IHO1: variants seen among roughly 807,000 people sequenced by gnomAD.
The protein encoded by IHO1 is interactor of HORMAD1 protein 1.
In IHO1, 13 loss-of-function variants were observed where a neutral mutation model predicts 31.0. The observed-to-expected ratio is 0.42, with a 90% confidence interval of 0.27 to 0.67. The LOEUF (loss-of-function observed/expected upper bound fraction) is 0.67. Ranked by LOEUF, IHO1 falls within the 30% of genes least tolerant of loss-of-function variation. The pLI, the probability that IHO1 is intolerant of heterozygous loss-of-function variation, is 0.24. For synonymous variants in IHO1, 221 were observed against 248.4 expected (o/e 0.89, Z 1.04); for missense variants, 599 against 687.5 (o/e 0.87, Z 1.44).
rs2046840379 is a variant in IHO1, at chr3:49,257,526, T to C, written c.*244T>C. 2.3e-6 allele frequency: 1 copy of C among 443,872 alleles called. No individual in the cohort carries two copies. The highest frequency in any genetic ancestry group is 4.1e-6 in the Non-Finnish European group (1 of 245,718). 27.5% of individuals were successfully genotyped at this position (443,872 alleles called of 1,614,324 possible). A position where few individuals can be genotyped will look rare whatever the true frequency, so the allele number is the denominator to read the frequency against. On this transcript the variant is annotated 3_prime_UTR_variant, in exon 8 of 8. Coordinates refer to ENST00000452691, the MANE Select transcript of IHO1 (RefSeq NM_001135197.2). ...ATGTGAAAATGGTGCTGATGAAAAC[T>C]GAGGCAGCAGCCTGGTTGTGGGGCA...
chr3:49,229,379 T>G (rs2046455990), intron 2 of IHO1, among the ~76,000 whole-genome samples: 1 of 152,176 alleles, frequency 6.6e-6, no homozygotes, highest in Non-Finnish European at 1.5e-5. Flanking sequence ...CTACTTTAAA[T>G]TTAAAAGGAG....
chr3:49,233,313 TG>T (rs771394587), intron 2 of IHO1, among the ~76,000 whole-genome samples: 34 of 152,178 alleles, frequency 2.2e-4, no homozygotes, highest in Non-Finnish European at 4.0e-4. Context: ...TAAGGATTTG[TG>T]GAAACTATTA....
intron 2 of IHO1, among the ~76,000 whole-genome samples, chr3:49,232,789 G>A (rs191806994): frequency 7.2e-4 from 110 of 152,242 alleles, no homozygotes; most frequent in African/African-American, 2.0e-3. Context: ...TTATGATAGC[G>A]GTGATCACCA....
At chr3:49,196,185 C>T (rs551006410), upstream of IHO1, among the ~76,000 whole-genome samples, 189 of 141,696 alleles carry the variant, frequency 1.3e-3, no homozygotes, top group Non-Finnish European at 2.4e-3. Flanking sequence ...GAGCCAAGAT[C>T]GCACCACTGC....
In IHO1 at chr3:49,241,230, A is replaced by G; in HGVS notation, c.236A>G (p.Glu79Gly). Residue 79 changes from glutamate to glycine, a missense_variant, in exon 4 of 8, where the codon GAA becomes GGA. Transcript: ENST00000452691. ...KQSQQNYLEG[E>G]PSIFTKYQTK... The stretch of plus-strand genomic sequence containing the variant: ...TATATTTTTTTCATTTAACAGGGTG[A>G]ACCTAGCATTTTCACAAAGTACCAG... The G allele has an allele frequency of 1.9e-6, 3 of 1,593,958 alleles. No individual in the cohort carries two copies. The highest frequency in any genetic ancestry group is 2.6e-6 in the Non-Finnish European group (3 of 1,172,580).
At chr3:49,211,689 C>A in intron 1 of IHO1, 77 bp from the exon 2 acceptor site, 1 of 616,230 alleles carries the variant, frequency 1.6e-6, no homozygotes, top group Non-Finnish European at 2.9e-6. Flanking sequence ...TCTTCGTGTA[C>A]ATATAATAGT....
rs1458774542 is a variant in IHO1, at chr3:49,243,731, C to T, written c.396-673C>T. On this transcript the variant is annotated intron_variant, in intron 4 of 7. Transcript: ENST00000452691. ...CGAGATCGTGCCACTGCACTCCAGCCTGGGTGACGGAGCGAGACTCTGTCT... is the reference window on the plus strand; with the variant it reads ...CGAGATCGTGCCACTGCACTCCAGCTTGGGTGACGGAGCGAGACTCTGTCT... Among the ~76,000 whole-genome samples, 34 of 132,592 alleles carry T rather than the reference C, an allele frequency of 2.6e-4. 1 individual carries two copies. The Admixed American group carries it at 2.8e-3, about 11-fold the overall frequency. The allele number at this position is 132,592 out of a possible 152,430, so 87.0% of individuals were successfully genotyped here.
At chr3:49,222,237 G>A (rs535012360) in intron 2 of IHO1, among the ~76,000 whole-genome samples, 4 of 152,166 alleles carry the variant, frequency 2.6e-5, no homozygotes, top group South Asian at 2.1e-4. Context: ...ATGGCTCTGC[G>A]CTGACGGATA....
chr3:49,223,233 G>A lies in IHO1; in HGVS notation c.56+11397G>A, dbSNP rs191886942. Among the ~76,000 whole-genome samples the A allele has an allele frequency of 3.3e-5, 5 of 152,326 alleles. No individual in the cohort carries two copies. The East Asian group carries it at 7.7e-4, about 23-fold the overall frequency. On this transcript the variant is annotated intron_variant, in intron 2 of 7. Transcript: ENST00000452691. ...ATTCTTAACAAGGCCATGGGCAAAAGACTAGGCCATGGGAGATGAGTTTCT... is the reference window on the plus strand; with the variant it reads ...ATTCTTAACAAGGCCATGGGCAAAAAACTAGGCCATGGGAGATGAGTTTCT...
Position 49,236,700 on chromosome 3 carries a change from A to G in IHO1, c.209A>G (p.Gln70Arg). The change falls in exon 3 of 8, where the codon CAG (glutamine) becomes CGG (arginine). Residue 70 changes from glutamine (Q) to arginine (R), a missense_variant. Gln to Arg is a conservative substitution (Grantham distance 43, BLOSUM62 1). Coordinates refer to ENST00000452691, the MANE Select transcript of IHO1 (RefSeq NM_001135197.2). ...DFGAHLRHSK[Q>R]SQQNYLEGEP... The stretch of plus-strand genomic sequence containing the variant: ...GGTGCCCACTTGAGACATTCAAAAC[A>G]GTCACAACAGAACTATCTGGAGGTG... 1.2e-6 allele frequency: 2 copies of G among 1,613,810 alleles called. No homozygotes were observed. Among genetic ancestry groups the G allele is most frequent in the Non-Finnish European group, 1.7e-6 (2 of 1,179,922 alleles).
chr3:49,197,599 G>C (rs1329888306), upstream of IHO1, among the ~76,000 whole-genome samples: 2 of 152,108 alleles, frequency 1.3e-5, no homozygotes, highest in African/African-American at 2.4e-5. Context: ...ATATGGCCAG[G>C]CGTGGTGGCT....
chr3:49,234,162 G>T lies in IHO1; in HGVS notation c.57-2386G>T, dbSNP rs201492422. Among the ~76,000 whole-genome samples, 229 of 91,926 alleles carry T rather than the reference G, an allele frequency of 2.5e-3. 3 individuals carry two copies. Among genetic ancestry groups the T allele is most frequent in the Middle Eastern group, 9.3e-3 (1 of 108 alleles). 60.3% of individuals were successfully genotyped at this position (91,926 alleles called of 152,430 possible). ...TGTTACACAGATGTCTTTTGTTGTT[G>T]TTTTTTTTTTTTTTTTTTTTTTGGT... On this transcript the variant is annotated intron_variant, in intron 2 of 7. Coordinates refer to ENST00000452691, the MANE Select transcript of IHO1 (RefSeq NM_001135197.2).
chr3:49,201,959 G>A (rs1336124204), intron 1 of IHO1, among the ~76,000 whole-genome samples: 1 of 152,040 alleles, frequency 6.6e-6, no homozygotes, highest in Non-Finnish European at 1.5e-5. Flanking sequence ...GTGACTATTT[G>A]GCATGTTTTG....
At chr3:49,213,009 G>A (rs1278453494) in intron 2 of IHO1, among the ~76,000 whole-genome samples, 1 of 152,196 alleles carries the variant, frequency 6.6e-6, no homozygotes, top group Non-Finnish European at 1.5e-5. Flanking sequence ...CGTTTTGACA[G>A]GGTGCTGATT....
At chr3:49,224,201 G>A (rs1173061516) in intron 2 of IHO1, among the ~76,000 whole-genome samples, 5 of 152,204 alleles carry the variant, frequency 3.3e-5, no homozygotes, top group African/African-American at 1.2e-4. Flanking sequence ...TCCCCATTCT[G>A]TTTCAGTCGG....
In IHO1 at chr3:49,256,295, GA is replaced by G. The variant is rs2046821125; in HGVS notation, c.801del (p.Asp268ThrfsTer81). ...LKRLISVPPV[K>X]DSASQTSPPL... ...AGAGATTGATCTCAGTGCCTCCAGTGAAAGACAGTGCTTCTCAGACGTCGCC... is the reference window on the plus strand; with the variant it reads ...AGAGATTGATCTCAGTGCCTCCAGTGAAGACAGTGCTTCTCAGACGTCGCC... On this transcript the variant is annotated frameshift_variant, in exon 8 of 8. Coordinates refer to ENST00000452691, the MANE Select transcript of IHO1 (RefSeq NM_001135197.2). LOFTEE classifies it low-confidence loss of function (END_TRUNC). The surrounding 1 kb of genome is among the most constrained non-coding windows in gnomAD (Gnocchi z 4.6). The G allele has an allele frequency of 6.2e-7, 1 of 1,614,146 alleles. No homozygotes were observed. The highest frequency in any genetic ancestry group is 8.5e-7 in the Non-Finnish European group (1 of 1,180,040).
chr3:49,191,804 T>C, the IHO1 span: 14 of 1,539,386 alleles, frequency 9.1e-6, no homozygotes, highest in Admixed American at 1.4e-4. Flanking sequence ...AGGCAAACTT[T>C]CCTCTTGTCT....
intron 1 of IHO1, chr3:49,200,631 C>T (rs2046058574): frequency 1.1e-6 from 1 of 943,150 alleles, no homozygotes; most frequent in Non-Finnish European, 1.3e-6. Context: ...CCCACCCTGC[C>T]AGGGCCCTTC....
upstream of IHO1, chr3:49,198,383 T>A (rs1207179919): frequency 6.6e-6 from 1 of 152,478 alleles, no homozygotes; most frequent in Non-Finnish European, 1.5e-5. Flanking sequence ...ATTCTCCTGG[T>A]GTCTTTCCCC....
Sources: gnomAD v4.1 joint callset for allele counts (sites outside exome capture counted in the v4.1 genomes callset) on GRCh38, gnomAD v4.1.1 for gene constraint, Gnocchi (gnomAD v3.1) non-coding constraint, MANE v1.5 for transcripts, NCBI Gene and HGNC (gene_info 2026-07-23, HGNC 2026-07-21) for gene names.